RBFOX1: variants seen among roughly 807,000 people sequenced by gnomAD.
The protein encoded by RBFOX1 is RNA binding protein fox-1 homolog 1.
Under a neutral mutation model 57.7 loss-of-function variants are expected in RBFOX1, and 8 were observed. That is an observed-to-expected ratio of 0.14 (90% CI 0.08 to 0.25). The LOEUF (loss-of-function observed/expected upper bound fraction) is 0.25. Ranked by LOEUF, RBFOX1 falls within the 10% of genes least tolerant of loss-of-function variation. The probability of loss-of-function intolerance (pLI) is 1.00; values close to 1 mark genes in which losing one functional copy is unlikely to be tolerated. For missense variants in RBFOX1, 611 were observed against 548.5 expected (o/e 1.11, Z -1.14); for synonymous variants, 326 against 222.4 (o/e 1.47, Z -4.15).
chr16:6,459,435 G>A (rs573381884), intron 2 of RBFOX1, among the ~76,000 whole-genome samples: 1 of 152,098 alleles, frequency 6.6e-6, no homozygotes, highest in African/African-American at 2.4e-5. Flanking sequence ...TATGAATTTA[G>A]GTACACCAAG....
intron 2 of RBFOX1, among the ~76,000 whole-genome samples, chr16:6,647,193 A>G (rs961948047): frequency 3.9e-5 from 6 of 152,130 alleles, no homozygotes; most frequent in Admixed American, 1.3e-4. Context: ...GAGAGAGAGA[A>G]AATGAGTGAG....
chr16:6,353,715 A>C (rs557804199), intron 2 of RBFOX1, among the ~76,000 whole-genome samples: 1 of 152,202 alleles, frequency 6.6e-6, no homozygotes, highest in East Asian at 1.9e-4. Flanking sequence ...TTCGGCCACA[A>C]AGTCTTTGCT....
intron 3 of RBFOX1, among the ~76,000 whole-genome samples, chr16:6,981,355 C>G (rs991418463): frequency 2.6e-5 from 4 of 152,018 alleles, no homozygotes; most frequent in Non-Finnish European, 5.9e-5. Flanking sequence ...CTTTACTTTT[C>G]TGTTTCTGTG....
chr16:5,840,227 C>T (rs1384209907), intron 3 of RBFOX1, among the ~76,000 whole-genome samples: 1 of 152,194 alleles, frequency 6.6e-6, no homozygotes, highest in South Asian at 2.1e-4. Flanking sequence ...CTTGGCATCT[C>T]AGTCTCAGCC....
chr16:6,651,358 A>AT (rs1438946734), intron 2 of RBFOX1, among the ~76,000 whole-genome samples: 1 of 145,498 alleles, frequency 6.9e-6, no homozygotes, highest in Non-Finnish European at 1.5e-5. Flanking sequence ...CGTCCCATTG[A>AT]TTTTATCTGG....
At chr16:7,685,295 C>G (rs1401310466) in intron 14 of RBFOX1, among the ~76,000 whole-genome samples, 1 of 152,158 alleles carries the variant, frequency 6.6e-6, no homozygotes. Context: ...ACCATTGCCT[C>G]TCTACTCTCC....
chr16:6,193,527 C>T (rs1247532998), intron 1 of RBFOX1, among the ~76,000 whole-genome samples: 1 of 148,858 alleles, frequency 6.7e-6, no homozygotes, highest in African/African-American at 2.5e-5. Context: ...AGTCACATAA[C>T]CCTGGGAACC....
intron 4 of RBFOX1, among the ~76,000 whole-genome samples, chr16:7,507,756 G>A (rs921581388): frequency 2.6e-5 from 4 of 151,916 alleles, no homozygotes; most frequent in East Asian, 3.9e-4. Flanking sequence ...GTAGAGACGC[G>A]GTTTCACCGT....
intron 4 of RBFOX1, among the ~76,000 whole-genome samples, chr16:7,397,629 G>A (rs8056710): frequency 0.05 from 7,540 of 152,182 alleles, 495 homozygotes; most frequent in African/African-American, 0.15. Flanking sequence ...CATCACAAGC[G>A]TTGGGACTCT....
chr16:7,174,581 G>A (rs991026770), intron 4 of RBFOX1, among the ~76,000 whole-genome samples: 3 of 152,200 alleles, frequency 2.0e-5, no homozygotes, highest in Non-Finnish European at 4.4e-5. Context: ...AGGAGTTTGA[G>A]ATTAACCTGG....
intron 4 of RBFOX1, among the ~76,000 whole-genome samples, chr16:7,182,461 C>G (rs544181757): frequency 6.6e-6 from 1 of 152,148 alleles, no homozygotes; most frequent in Non-Finnish European, 1.5e-5. Flanking sequence ...AGCTGAATTT[C>G]TGTTGTCTGT....
At chr16:7,354,074 C>T (rs577196180) in intron 4 of RBFOX1, among the ~76,000 whole-genome samples, 23 of 152,156 alleles carry the variant, frequency 1.5e-4, no homozygotes, top group South Asian at 6.2e-4. Flanking sequence ...CAGGTTCAAG[C>T]GATTCTCCTG....
At chr16:5,317,515 A>G (rs1317679487) in intron 1 of RBFOX1, among the ~76,000 whole-genome samples, 3 of 152,188 alleles carry the variant, frequency 2.0e-5, no homozygotes, top group Non-Finnish European at 4.4e-5. Context: ...AGACTGAGGA[A>G]CGAGAATCGC....
intron 1 of RBFOX1, among the ~76,000 whole-genome samples, chr16:6,086,686 G>A (rs368546711): frequency 6.6e-6 from 1 of 152,186 alleles, no homozygotes; most frequent in Non-Finnish European, 1.5e-5. Flanking sequence ...AAAAGATGGA[G>A]TTTTGAAGAA....
At chr16:5,738,121 C>A (rs2052645397) in intron 3 of RBFOX1, among the ~76,000 whole-genome samples, 1 of 148,790 alleles carries the variant, frequency 6.7e-6, no homozygotes, top group Non-Finnish European at 1.5e-5. Flanking sequence ...GTTTTCTGTT[C>A]CTGTGTTAGT....
At chr16:5,643,236 C>T (rs1298187382) in intron 3 of RBFOX1, among the ~76,000 whole-genome samples, 2 of 152,140 alleles carry the variant, frequency 1.3e-5, no homozygotes, top group African/African-American at 4.8e-5. Flanking sequence ...GCAGGTGAGC[C>T]CCGCTTTTGA....
intron 3 of RBFOX1, among the ~76,000 whole-genome samples, chr16:6,657,290 T>C (rs1009473025): frequency 3.3e-5 from 5 of 152,144 alleles, no homozygotes; most frequent in African/African-American, 4.8e-5. Context: ...CTATAGTTTC[T>C]CTGTTTCTAA....
intron 1 of RBFOX1, among the ~76,000 whole-genome samples, chr16:6,101,664 G>A (rs1391354771): frequency 6.6e-6 from 1 of 152,090 alleles, no homozygotes; most frequent in Non-Finnish European, 1.5e-5. Context: ...GCTCATACCT[G>A]TAATCCCAGC....
At chr16:6,801,199 CA>C (rs200091675) in intron 3 of RBFOX1, among the ~76,000 whole-genome samples, 33,913 of 91,554 alleles carry the variant, frequency 0.37, 6,078 homozygotes, top group African/African-American at 0.62. Flanking sequence ...ATTGAACATG[CA>C]AAAAAAAAAA....
Sources: gnomAD v4.1 joint callset for allele counts (sites outside exome capture counted in the v4.1 genomes callset) on GRCh38, gnomAD v4.1.1 for gene constraint, MANE v1.5 for transcripts, NCBI Gene and HGNC (gene_info 2026-07-23, HGNC 2026-07-21) for gene names.